CAMTA1: variants seen among roughly 807,000 people sequenced by gnomAD.
CAMTA1 encodes calmodulin-binding transcription activator 1.
In CAMTA1, 27 loss-of-function variants were observed where a neutral mutation model predicts 170.9. The observed-to-expected ratio is 0.16, with a 90% CI of 0.12 to 0.22. The LOEUF (loss-of-function observed/expected upper bound fraction) is 0.22. Ranked by LOEUF, CAMTA1 falls within the 10% of genes least tolerant of loss-of-function variation. The probability of loss-of-function intolerance (pLI) is 1.00; values close to 1 mark genes in which losing one functional copy is unlikely to be tolerated. For synonymous variants in CAMTA1, 833 were observed against 891.5 expected (o/e 0.93, Z 1.17); for missense variants, 1,619 against 2,217.2 (o/e 0.73, Z 5.42).
At chr1:7,403,163 C>T (rs1324412076) in intron 5 of CAMTA1, among the ~76,000 whole-genome samples, 1 of 151,882 alleles carries the variant, frequency 6.6e-6, no homozygotes, top group African/African-American at 2.4e-5. Context: ...GACCAGCCTG[C>T]CCAACATGGC....
chr1:7,095,601 A>C (rs1429970134), intron 4 of CAMTA1, among the ~76,000 whole-genome samples: 1 of 152,210 alleles, frequency 6.6e-6, no homozygotes, highest in Non-Finnish European at 1.5e-5. Flanking sequence ...GTTCCCAGGG[A>C]GCCCGTCAAT....
chr1:7,452,232 CT>C (rs1279257303), intron 5 of CAMTA1, among the ~76,000 whole-genome samples: 1 of 152,192 alleles, frequency 6.6e-6, no homozygotes, highest in Non-Finnish European at 1.5e-5. Context: ...TGCATCCCCC[CT>C]GGTTCCTCTC....
intron 4 of CAMTA1, among the ~76,000 whole-genome samples, chr1:7,158,520 C>A (rs1313592210): frequency 6.6e-6 from 1 of 152,172 alleles, no homozygotes; most frequent in African/African-American, 2.4e-5. Flanking sequence ...TTCAAACAAA[C>A]AAACTGCAAA....
rs2096545849 is a variant in CAMTA1, at chr1:7,708,677, A to G, written c.2915-23771A>G. Reference sequence around the variant, plus strand: ...TTGAAAATAGAGCATAGCTTTAGACATGATGTGGAGAGACTGGTCAGCTCA... The same window carrying G: ...TTGAAAATAGAGCATAGCTTTAGACGTGATGTGGAGAGACTGGTCAGCTCA... On this transcript the variant is annotated intron_variant, in intron 11 of 22. Transcript: ENST00000303635. 2.6e-5 allele frequency among the ~76,000 whole-genome samples: 4 copies of G among 152,206 alleles called. No homozygotes were observed. In the South Asian group the frequency reaches 6.2e-4, roughly 24 times the overall value.
Position 7,508,245 on chromosome 1 carries a change from A to G in CAMTA1, c.510+40344A>G, listed in dbSNP as rs148871938. On this transcript the variant is annotated intron_variant, in intron 6 of 22. Transcript: ENST00000303635. ...GGCCCGGGCCTCCGGTGGACCCTCC[A>G]CAGACCCCTGTCACAGCCATGGGGA... 3.0e-3 allele frequency among the ~76,000 whole-genome samples: 455 copies of G among 152,270 alleles called. 2 individuals are homozygous for G. Among genetic ancestry groups the G allele is most frequent in the African/African-American group, 0.01 (433 of 41,554 alleles).
rs1641443017 is a variant in CAMTA1 at position 7,091,390 on chromosome 1, C to T, written c.302+19C>T. The T allele has an allele frequency of 1.3e-6, 2 of 1,590,934 alleles. No homozygotes were observed. The highest frequency in any genetic ancestry group is 1.7e-6 in the Non-Finnish European group (2 of 1,158,966). Reference sequence around the variant, plus strand: ...AGACAAGGTAATGTCCCAGATCTTGCAGTTTTTCAAATGTGTACCATAAGT... The same window carrying T: ...AGACAAGGTAATGTCCCAGATCTTGTAGTTTTTCAAATGTGTACCATAAGT... On this transcript the variant is annotated intron_variant, in intron 4 of 22. Transcript: ENST00000303635.
At chr1:7,085,046 C>T (rs939030384) in intron 3 of CAMTA1, among the ~76,000 whole-genome samples, 6 of 152,164 alleles carry the variant, frequency 3.9e-5, no homozygotes, top group African/African-American at 9.7e-5. Context: ...AGGTTTGTTA[C>T]GTAGGTATAC....
intron 4 of CAMTA1, among the ~76,000 whole-genome samples, chr1:7,131,016 C>T (rs910222552): frequency 1.6e-4 from 24 of 151,604 alleles, no homozygotes; most frequent in African/African-American, 4.1e-4. Flanking sequence ...TGCAGTGGCA[C>T]GATCTCGGCT....
chr1:7,576,094 C>T (rs142693028), intron 6 of CAMTA1, among the ~76,000 whole-genome samples: 3,583 of 152,164 alleles, frequency 0.024, 81 homozygotes, highest in Non-Finnish European at 0.033. Flanking sequence ...CTGCAACCTC[C>T]ACCTCCCAGG....
At chr1:6,833,889 C>T (rs1368196212) in intron 3 of CAMTA1, among the ~76,000 whole-genome samples, 1 of 152,170 alleles carries the variant, frequency 6.6e-6, no homozygotes, top group Non-Finnish European at 1.5e-5. Context: ...AATACTTCCA[C>T]AGAGCCGCAG....
chr1:6,820,678 T>C (rs1646386059), intron 2 of CAMTA1, among the ~76,000 whole-genome samples: 1 of 152,162 alleles, frequency 6.6e-6, no homozygotes, highest in Non-Finnish European at 1.5e-5. Flanking sequence ...GTTCCTCCTC[T>C]GTAAAATGGG....
At chr1:7,054,330 G>A (rs892999886) in intron 3 of CAMTA1, among the ~76,000 whole-genome samples, 13 of 152,262 alleles carry the variant, frequency 8.5e-5, no homozygotes, top group Admixed American at 4.6e-4. Context: ...TTTCTATGAC[G>A]AGAAGCAGCC....
chr1:7,412,333 C>T (rs2090838949), intron 5 of CAMTA1, among the ~76,000 whole-genome samples: 1 of 151,822 alleles, frequency 6.6e-6, no homozygotes, highest in South Asian at 2.1e-4. Context: ...GGAATCGCCA[C>T]ACTGACTTCC....
chr1:7,101,183 C>A (rs1642673860), intron 4 of CAMTA1, among the ~76,000 whole-genome samples: 1 of 152,198 alleles, frequency 6.6e-6, no homozygotes, highest in African/African-American at 2.4e-5. Flanking sequence ...ATCTTCAGCC[C>A]TGTCTCCTTG....
At chr1:7,257,076 C>A (rs917585232) in intron 5 of CAMTA1, among the ~76,000 whole-genome samples, 1 of 135,134 alleles carries the variant, frequency 7.4e-6, no homozygotes, top group Non-Finnish European at 1.6e-5. Context: ...CATCGCATGG[C>A]GGGGGCGGGG....
Position 7,641,445 on chromosome 1 carries a change from C to A in CAMTA1, c.664+892C>A, listed in dbSNP as rs986333987. Among the ~76,000 whole-genome samples the A allele has an allele frequency of 6.6e-6, 1 of 152,164 alleles. No individual in the cohort carries two copies. Among genetic ancestry groups the A allele is most frequent in the Admixed American group, 6.5e-5 (1 of 15,286 alleles). ...GGAGGGAGGAAGCAGCTGTTGGTCA[C>A]CATATACAGCGGGGGGACTGAAATA... On this transcript the variant is annotated intron_variant, in intron 7 of 22. Transcript: ENST00000303635. The surrounding 1 kb of genome is among the most constrained non-coding windows in gnomAD (Gnocchi z 4.5).
rs2095983738 is a variant in CAMTA1, at chr1:7,664,221, C to T, written c.1674C>T (p.Ser558=). The change falls in exon 9 of 23, where the codon AGC becomes AGT. Residue 558 remains serine, a synonymous_variant. Transcript: ENST00000303635. ...YSSSAAAVAA[S]SLTLTAGSSL... ...CCTCCGCGGCGGCTGTGGCAGCCAG[C>T]TCCCTCACCCTGACCGCCGGCTCCA... 1 of 1,612,684 alleles carries T rather than the reference C, an allele frequency of 6.2e-7. No individual in the cohort carries two copies. The highest frequency in any genetic ancestry group is 8.5e-7 in the Non-Finnish European group (1 of 1,180,000).
intron 3 of CAMTA1, among the ~76,000 whole-genome samples, chr1:6,935,649 C>G (rs1685177571): frequency 6.6e-6 from 1 of 152,226 alleles, no homozygotes; most frequent in Non-Finnish European, 1.5e-5. Flanking sequence ...GACATCACAT[C>G]AGCTCTGGGA....
chr1:7,461,997 T>C (rs536300529), intron 5 of CAMTA1, among the ~76,000 whole-genome samples: 1 of 152,400 alleles, frequency 6.6e-6, no homozygotes, highest in African/African-American at 2.4e-5. Flanking sequence ...GAGCACCTGC[T>C]ATGCGAATGT....
Sources: gnomAD v4.1 joint callset for allele counts (sites outside exome capture counted in the v4.1 genomes callset) on GRCh38, gnomAD v4.1.1 for gene constraint, Gnocchi (gnomAD v3.1) non-coding constraint, MANE v1.5 for transcripts, NCBI Gene and HGNC (gene_info 2026-07-23, HGNC 2026-07-21) for gene names.